Variants in CC2D2B observed in about 807,000 individuals in gnomAD.
CC2D2B encodes the protein coiled-coil and C2 domain containing 2B, also known as protein CC2D2B.
In CC2D2B, 128 loss-of-function variants were observed where a neutral mutation model predicts 161.2. The ratio of observed to expected loss-of-function variants is 0.79; its 90% CI spans 0.69 to 0.92. The LOEUF is 0.92. Ranked by LOEUF, CC2D2B falls within the 40% of genes least tolerant of loss-of-function variation. The pLI, the probability that CC2D2B is intolerant of heterozygous loss-of-function variation, is 0.00. For missense variants in CC2D2B, 1,173 were observed against 1,375.1 expected (o/e 0.85, Z 2.32); for synonymous variants, 391 against 449.8 (o/e 0.87, Z 1.65).
intron 11 of CC2D2B, among the ~76,000 whole-genome samples, chr10:95,959,425 T>G (rs2076688109): frequency 6.6e-6 from 1 of 152,066 alleles, no homozygotes; most frequent in Non-Finnish European, 1.5e-5. Context: ...CAAAAAAGTT[T>G]CACAACCTCT....
At chr10:95,996,997 C>T (rs1317876971) in intron 24 of CC2D2B, among the ~76,000 whole-genome samples, 2 of 152,168 alleles carry the variant, frequency 1.3e-5, no homozygotes, top group African/African-American at 4.8e-5. Flanking sequence ...TTCCCTTCCA[C>T]CTTCCACTAT....
At chr10:95,922,793 G>A (rs1293488964) in intron 3 of CC2D2B, among the ~76,000 whole-genome samples, 1 of 152,000 alleles carries the variant, frequency 6.6e-6, no homozygotes. Context: ...ACAAGGGCTT[G>A]AGACTTTTTT....
At chr10:96,022,702 T>A (rs551848095) in intron 32 of CC2D2B, 2 of 152,354 alleles carry the variant, frequency 1.3e-5, no homozygotes, top group South Asian at 4.1e-4. Context: ...CAGTGTTACG[T>A]TAGATGTAGA....
Position 95,938,887 on chromosome 10 carries a change from G to A in CC2D2B, c.763G>A (p.Glu255Lys), listed in dbSNP as rs1390164019. The A allele has an allele frequency of 1.4e-6, 1 of 714,264 alleles. No homozygotes were observed. Among genetic ancestry groups the A allele is most frequent in the South Asian group, 1.5e-5 (1 of 66,672 alleles). 44.2% of individuals were successfully genotyped at this position (714,264 alleles called of 1,614,324 possible). A position where few individuals can be genotyped will look rare whatever the true frequency, so the allele number is the denominator to read the frequency against. The change falls in exon 9 of 35, where the codon GAA (glutamate) becomes AAA (lysine). Residue 255 changes from glutamate (E) to lysine (K), a missense_variant. By Grantham distance (56) the Glu-to-Lys change is moderately conservative (BLOSUM62 1). Coordinates refer to ENST00000646931, the MANE Select transcript of CC2D2B (RefSeq NM_001349008.3). The part of the protein sequence containing the change: ...SWNFRLNVRK[E>K]PLNPLLKTIY... ...GAATTTCAGACTAAATGTAAGGAAG[G>A]AACCTTTAAATCCATTACTTAAGAC...
intron 31 of CC2D2B, 115 bp downstream of exon 31, chr10:96,019,452 A>G: frequency 1.8e-6 from 2 of 1,093,248 alleles, no homozygotes; most frequent in East Asian, 4.9e-5. Flanking sequence ...TCCCTAGGGC[A>G]TGGGGCCGGG....
chr10:95,988,353 A>G lies in CC2D2B; in HGVS notation c.2379+11A>G. 2 of 1,153,502 alleles carry G rather than the reference A, an allele frequency of 1.7e-6. No individual in the cohort carries two copies. Among genetic ancestry groups the G allele is most frequent in the Non-Finnish European group, 2.2e-6 (2 of 914,916 alleles). The allele number at this position is 1,153,502 out of a possible 1,614,324, so 71.5% of individuals were successfully genotyped here. On this transcript the variant is annotated intron_variant, in intron 20 of 34. Coordinates refer to ENST00000646931, the MANE Select transcript of CC2D2B (RefSeq NM_001349008.3). ...AATTTTCTGAAAAAGGTAACAACAC[A>G]GTATTATCAATATATTTGCATTTGT...
At chr10:95,926,472 A>G (rs2098538654) in intron 5 of CC2D2B, among the ~76,000 whole-genome samples, 1 of 151,930 alleles carries the variant, frequency 6.6e-6, no homozygotes, top group Non-Finnish European at 1.5e-5. Context: ...CAATATAAAG[A>G]TAAGCTTTTA....
In CC2D2B at chr10:95,947,886, C is replaced by G. The variant is rs2076277524; in HGVS notation, c.802-2010C>G. 2.6e-5 allele frequency among the ~76,000 whole-genome samples: 4 copies of G among 152,162 alleles called. 1 individual carries two copies. In the South Asian group the frequency reaches 8.3e-4, roughly 32 times the overall value. On this transcript the variant is annotated intron_variant, in intron 9 of 34. Coordinates refer to ENST00000646931, the MANE Select transcript of CC2D2B (RefSeq NM_001349008.3). ...CTCATGTACAAAAACAGGTGCTCTT[C>G]TTATGGGAATTGCTTAGAGGGCCCA...
intron 22 of CC2D2B, among the ~76,000 whole-genome samples, chr10:95,993,950 GTGTATATATATATATATATATATATA>G (rs1309549147): frequency 2.9e-4 from 4 of 13,726 alleles, no homozygotes; most frequent in African/African-American, 8.0e-4. Context: ...GTGTATGTAT[GTGTATATATATATATATATATATATA>G]TATATATATA....
At chr10:95,922,326 T>A (rs752602533) in intron 3 of CC2D2B, among the ~76,000 whole-genome samples, 11 of 152,210 alleles carry the variant, frequency 7.2e-5, no homozygotes, top group Non-Finnish European at 1.3e-4. Context: ...GGTGAGACTG[T>A]TTTAGACCAC....
chr10:96,000,508 T>C (rs1349599455), intron 24 of CC2D2B, among the ~76,000 whole-genome samples: 1 of 151,866 alleles, frequency 6.6e-6, no homozygotes, highest in African/African-American at 2.4e-5. Flanking sequence ...GGACTACAGG[T>C]GCCTGCCACC....
chr10:95,909,087 A>C (rs1415622588), intron 1 of CC2D2B, among the ~76,000 whole-genome samples: 1 of 152,232 alleles, frequency 6.6e-6, no homozygotes, highest in Non-Finnish European at 1.5e-5. Flanking sequence ...TCGAAGACTT[A>C]AATAAATTCA....
intron 24 of CC2D2B, among the ~76,000 whole-genome samples, chr10:96,002,468 A>C (rs2078541897): frequency 1.3e-5 from 2 of 152,228 alleles, no homozygotes; most frequent in African/African-American, 4.8e-5. Flanking sequence ...TTAACAGAAT[A>C]CAGAATGCAA....
At chr10:95,955,004 T>C (rs926857652) in intron 10 of CC2D2B, among the ~76,000 whole-genome samples, 1 of 152,124 alleles carries the variant, frequency 6.6e-6, no homozygotes, top group Non-Finnish European at 1.5e-5. Flanking sequence ...TATATGTATA[T>C]AGATATGAAT....
rs185170621 is a variant in CC2D2B at position 95,968,650 on chromosome 10, T to C, written c.1467-74T>C. ...TTATCTTCTGTTTAACATGCTAATATACATTTTGAAAGAACAATATGTTAT... is the reference window on the plus strand; with the variant it reads ...TTATCTTCTGTTTAACATGCTAATACACATTTTGAAAGAACAATATGTTAT... On this transcript the variant is annotated intron_variant, in intron 14 of 34. Transcript: ENST00000646931. 4.8e-5 allele frequency: 26 copies of C among 541,378 alleles called. No individual in the cohort carries two copies. The East Asian group carries it at 7.4e-4, about 15-fold the overall frequency. 33.5% of individuals were successfully genotyped at this position (541,378 alleles called of 1,614,324 possible).
At chr10:95,968,007 C>A (rs570320331) in intron 14 of CC2D2B, among the ~76,000 whole-genome samples, 28 of 152,278 alleles carry the variant, frequency 1.8e-4, no homozygotes, top group African/African-American at 6.5e-4. Flanking sequence ...GGAAAATATT[C>A]AATAAACATT....
chr10:96,030,667 TG>T (rs1224160913), intron 34 of CC2D2B, among the ~76,000 whole-genome samples: 1 of 152,222 alleles, frequency 6.6e-6, no homozygotes, highest in Admixed American at 6.5e-5. Context: ...ATCAAAGTGC[TG>T]GCAGAAAAGG....
At chr10:95,951,027 C>T (rs2076382987) in intron 10 of CC2D2B, among the ~76,000 whole-genome samples, 2 of 152,052 alleles carry the variant, frequency 1.3e-5, no homozygotes, top group South Asian at 2.1e-4. Context: ...CCATGTTGGC[C>T]GGGCTGTTCT....
At chr10:96,026,810 G>GT (rs1006832365) in intron 33 of CC2D2B, among the ~76,000 whole-genome samples, 1 of 152,054 alleles carries the variant, frequency 6.6e-6, no homozygotes, top group African/African-American at 2.4e-5. Flanking sequence ...AGTCCAAAAA[G>GT]TATCATTCTC....
Sources: allele counts gnomAD v4.1 joint callset (sites outside exome capture counted in the v4.1 genomes callset), GRCh38; gene constraint gnomAD v4.1.1; transcripts MANE v1.5; gene names NCBI Gene and HGNC (gene_info 2026-07-23, HGNC 2026-07-21).